Variants in GPC3 observed in about 807,000 individuals in gnomAD.
GPC3 encodes glypican 3.
Under a neutral mutation model 34.4 loss-of-function variants are expected in GPC3, and 3 were observed. The ratio of observed to expected loss-of-function variants is 0.09; its 90% CI spans 0.04 to 0.23. GPC3 has a LOEUF of 0.23. Ranked by LOEUF, GPC3 falls within the 10% of genes least tolerant of loss-of-function variation. The pLI, the probability that GPC3 is intolerant of heterozygous loss-of-function variation, is 1.00. For synonymous variants in GPC3, 177 were observed against 174.0 expected (o/e 1.02, Z -0.13); for missense variants, 351 against 445.6 (o/e 0.79, Z 1.91).
At chrX:133,839,701 C>T (rs761814734) in intron 2 of GPC3, among the ~76,000 whole-genome samples, 25 of 109,894 alleles carry the variant, frequency 2.3e-4, no homozygotes, top group Admixed American at 5.8e-4. Flanking sequence ...GAGGCTGAGG[C>T]GGGCAGATCA....
intron 2 of GPC3, among the ~76,000 whole-genome samples, chrX:133,929,131 A>G (rs1206552204): frequency 8.9e-6 from 1 of 111,928 alleles, no homozygotes; most frequent in Non-Finnish European, 1.9e-5. Context: ...ACAGTATAAG[A>G]TAAGGGTCCA....
chrX:133,568,844 T>C (rs1428650171), intron 7 of GPC3, among the ~76,000 whole-genome samples: 2 of 110,912 alleles, frequency 1.8e-5, no homozygotes, highest in African/African-American at 6.6e-5. Context: ...AGGAAATAGT[T>C]CAGCTGGACT....
At chrX:133,849,800 A>C (rs1359885792) in intron 2 of GPC3, among the ~76,000 whole-genome samples, 1 of 111,108 alleles carries the variant, frequency 9.0e-6, no homozygotes, top group East Asian at 2.8e-4. Flanking sequence ...CAACATATTC[A>C]ACTTTAGATT....
intron 2 of GPC3, among the ~76,000 whole-genome samples, chrX:133,819,667 C>T (rs937385354): frequency 1.8e-5 from 2 of 111,354 alleles, no homozygotes; most frequent in Non-Finnish European, 3.8e-5. Flanking sequence ...ATCAAGCAGA[C>T]TTGGATTCCA....
intron 2 of GPC3, among the ~76,000 whole-genome samples, chrX:133,755,292 T>C (rs1056197389): frequency 5.4e-5 from 6 of 111,359 alleles, no homozygotes; most frequent in Non-Finnish European, 1.9e-5. Context: ...CCTTGAAAAA[T>C]CGAATTATTA....
chrX:133,825,244 T>A (rs2075740669), intron 2 of GPC3, among the ~76,000 whole-genome samples: 1 of 112,087 alleles, frequency 8.9e-6, no homozygotes, highest in Non-Finnish European at 1.9e-5. Context: ...TGAATCTTTG[T>A]AAGAATAGTG....
intron 7 of GPC3, among the ~76,000 whole-genome samples, chrX:133,553,568 A>G (rs192787378): frequency 1.8e-5 from 2 of 111,897 alleles, no homozygotes. Flanking sequence ...TAAGCTAAAT[A>G]TTGATATTGC....
At chrX:133,694,623 C>T (rs1372031434) in intron 4 of GPC3, among the ~76,000 whole-genome samples, 1 of 109,906 alleles carries the variant, frequency 9.1e-6, no homozygotes, top group Admixed American at 9.7e-5. Context: ...GAAACAATGG[C>T]CCTCTCTTAA....
At chrX:133,672,356 A>G (rs989740248) in intron 5 of GPC3, among the ~76,000 whole-genome samples, 18 of 112,230 alleles carry the variant, frequency 1.6e-4, no homozygotes, top group African/African-American at 5.2e-4. Context: ...AGAACTAAAC[A>G]TGGCGGTCAG....
chrX:133,685,305 T>G (rs1435653697), intron 5 of GPC3, among the ~76,000 whole-genome samples: 2 of 111,726 alleles, frequency 1.8e-5, no homozygotes, highest in Non-Finnish European at 3.8e-5. Context: ...GGTTCTCTCA[T>G]ATTCACTTCA....
intron 7 of GPC3, among the ~76,000 whole-genome samples, chrX:133,592,575 C>T: frequency 9.1e-6 from 1 of 110,317 alleles, no homozygotes; most frequent in Non-Finnish European, 1.9e-5. Flanking sequence ...TTGCCAGGCT[C>T]TGAGTGGTCA....
Position 133,653,194 on chromosome X carries a change from A to AGTTG in GPC3, c.1413+8532_1413+8535dup, listed in dbSNP as rs1348377768. Among the ~76,000 whole-genome samples, 4 of 112,182 alleles carry AGTTG rather than the reference A, an allele frequency of 3.6e-5. No individual in the cohort carries two copies. In the Admixed American group the frequency reaches 3.8e-4, roughly 11 times the overall value. On this transcript the variant is annotated intron_variant, in intron 6 of 7. Transcript: ENST00000370818. ...CATCTAAGATTTCTGTTATTTTTGC[A>AGTTG]GTTGGACCCCTTTAAGTGAAATCTT... is the stretch of plus-strand genomic sequence containing the variant.
chrX:133,705,152 T>C (rs773998618), intron 3 of GPC3, among the ~76,000 whole-genome samples: 7 of 112,288 alleles, frequency 6.2e-5, no homozygotes, highest in East Asian at 2.8e-4. Flanking sequence ...TTCTCTTCAC[T>C]CAGTCCTACC....
intron 2 of GPC3, among the ~76,000 whole-genome samples, chrX:133,838,942 G>C (rs1279889202): frequency 9.0e-6 from 1 of 111,516 alleles, no homozygotes; most frequent in East Asian, 2.8e-4. Context: ...ACAGGCAGCT[G>C]ATCCAATTCC....
At position 133,600,363 on chromosome X, in the gene GPC3, A is replaced by G. The variant is rs186030045; in HGVS notation, c.1414-3764T>C. ...AAGACACATAGCTAATCTTTGAGAG[A>G]CTGTTTCCAACCTGTGTGCAATGTC... On this transcript the variant is annotated intron_variant, in intron 6 of 7. Transcript: ENST00000370818. Among the ~76,000 whole-genome samples, 201 of 111,993 alleles carry G rather than the reference A, an allele frequency of 1.8e-3. 1 individual carries two copies. The highest frequency in any genetic ancestry group is 6.3e-3 in the African/African-American group (193 of 30,844).
chrX:133,595,780 G>C (rs1248900850), intron 7 of GPC3, among the ~76,000 whole-genome samples: 1 of 111,448 alleles, frequency 9.0e-6, no homozygotes, highest in African/African-American at 3.3e-5. Context: ...CTCCTAAATT[G>C]CTGCGATTAC....
At chrX:133,966,911 A>G (rs1228843692) in intron 1 of GPC3, among the ~76,000 whole-genome samples, 1 of 112,003 alleles carries the variant, frequency 8.9e-6, no homozygotes, top group Non-Finnish European at 1.9e-5. Flanking sequence ...TCCTACCCTC[A>G]TGTAATGCAA....
chrX:133,629,584 C>T (rs756291436), intron 6 of GPC3, among the ~76,000 whole-genome samples: 22 of 107,570 alleles, frequency 2.0e-4, no homozygotes, highest in Admixed American at 4.0e-4. Flanking sequence ...TTAGTAGAGA[C>T]AGGGTTTCAC....
intron 2 of GPC3, among the ~76,000 whole-genome samples, chrX:133,869,256 A>G (rs1460445182): frequency 1.8e-5 from 2 of 112,106 alleles, no homozygotes; most frequent in Admixed American, 9.5e-5. Flanking sequence ...TACATTTAAT[A>G]TCTTCTTATG....
Sources: gnomAD v4.1 joint callset for allele counts (sites outside exome capture counted in the v4.1 genomes callset) on GRCh38, gnomAD v4.1.1 for gene constraint, MANE v1.5 for transcripts, NCBI Gene and HGNC (gene_info 2026-07-23, HGNC 2026-07-21) for gene names.